Variants in WDPCP observed in about 807,000 individuals in gnomAD.
The protein encoded by WDPCP is WD repeat containing planar cell polarity effector.
In WDPCP, 71 loss-of-function variants were observed where a neutral mutation model predicts 93.1. The observed-to-expected ratio is 0.76, with a 90% CI of 0.63 to 0.93. The LOEUF is 0.93. Among genes scored for constraint, WDPCP ranks in the 40% least tolerant of loss-of-function variants. WDPCP has a pLI of 0.00. For missense variants in WDPCP, 844 were observed against 887.4 expected, an observed-to-expected ratio of 0.95 and a Z score of 0.62; for synonymous variants, 315 against 315.0, an observed-to-expected ratio of 1.00 and a Z score of 0.00.
At chr2:63,423,199 T>A (rs1696003872) in intron 9 of WDPCP, among the ~76,000 whole-genome samples, 1 of 152,228 alleles carries the variant, frequency 6.6e-6, no homozygotes, top group South Asian at 2.1e-4. Context: ...TGGTTTTATG[T>A]GTGCTTTATT....
At chr2:63,362,055 TTTTC>T (rs1690504188) in intron 12 of WDPCP, among the ~76,000 whole-genome samples, 1 of 152,080 alleles carries the variant, frequency 6.6e-6, no homozygotes, top group Non-Finnish European at 1.5e-5. Flanking sequence ...CTCATTTATC[TTTTC>T]TTTGTGTTGG....
chr2:63,739,842 C>CT (rs368638414), intron 2 of WDPCP, among the ~76,000 whole-genome samples: 23 of 151,852 alleles, frequency 1.5e-4, no homozygotes, highest in African/African-American at 5.5e-4. Context: ...TGATATTGAG[C>CT]TTTTTTTTCA....
In WDPCP at chr2:63,597,452, A is replaced by G. The variant is rs1339136957; in HGVS notation, n.488+53207T>C. 3 of 1,503,708 alleles carry G rather than the reference A, an allele frequency of 2.0e-6. No individual in the cohort carries two copies. In the Admixed American group the frequency reaches 6.4e-5, roughly 32 times the overall value. 93.1% of individuals were successfully genotyped at this position (1,503,708 alleles called of 1,614,324 possible). On this transcript the variant is annotated intron_variant and non_coding_transcript_variant, in intron 3 of 4. Coordinates refer to the WDPCP transcript ENST00000467687. ...TGCCTTCAAAGACCTGGATGTGGCC[A>G]TTCTTGTGGGCTCCATGCCAAGAAG...
At chr2:63,337,632 A>T (rs1429156530) in intron 12 of WDPCP, among the ~76,000 whole-genome samples, 2 of 152,186 alleles carry the variant, frequency 1.3e-5, no homozygotes, top group African/African-American at 4.8e-5. Flanking sequence ...AACGGTGTAT[A>T]AGAATTCCCC....
At chr2:63,708,648 C>T (rs924255146) in intron 2 of WDPCP, among the ~76,000 whole-genome samples, 27 of 152,106 alleles carry the variant, frequency 1.8e-4, no homozygotes, top group African/African-American at 2.9e-4. Flanking sequence ...ACCCACTGTC[C>T]GGCACTCCCC....
At chr2:63,139,664 A>T (rs2103680134) in intron 17 of WDPCP, among the ~76,000 whole-genome samples, 1 of 151,484 alleles carries the variant, frequency 6.6e-6, no homozygotes, top group East Asian at 1.9e-4. Flanking sequence ...TTTTTATGGG[A>T]TTGTTTTTTT....
chr2:63,173,809 G>C (rs768819038), intron 15 of WDPCP, among the ~76,000 whole-genome samples: 1 of 152,140 alleles, frequency 6.6e-6, no homozygotes, highest in African/African-American at 2.4e-5. Flanking sequence ...TGTACAGTTT[G>C]AGGCATTTTT....
At chr2:63,322,306 G>C (rs909559912) in intron 12 of WDPCP, among the ~76,000 whole-genome samples, 23 of 152,226 alleles carry the variant, frequency 1.5e-4, no homozygotes, top group Non-Finnish European at 2.5e-4. Flanking sequence ...GGTGGGCCCA[G>C]ATAAGGGAAT....
chr2:63,558,661 C>T (rs1453958040), intron 1 of WDPCP, among the ~76,000 whole-genome samples: 1 of 139,108 alleles, frequency 7.2e-6, no homozygotes, highest in African/African-American at 2.6e-5. Flanking sequence ...CACCTCTACG[C>T]AAATAAACTA....
At chr2:63,622,534 T>A (rs1709755476) in intron 3 of WDPCP, 1 of 1,613,958 alleles carries the variant, frequency 6.2e-7, no homozygotes, top group East Asian at 2.2e-5. Context: ...GCGTGGTTGA[T>A]GTTCCAGGTG....
chr2:63,342,886 T>A (rs1688944323), intron 12 of WDPCP, among the ~76,000 whole-genome samples: 1 of 152,200 alleles, frequency 6.6e-6, no homozygotes, highest in African/African-American at 2.4e-5. Flanking sequence ...TCTGAAGAAC[T>A]CCTTTTAGCA....
chr2:63,403,843 C>T, intron 10 of WDPCP: 1 of 644,642 alleles, frequency 1.6e-6, no homozygotes, highest in South Asian at 2.2e-5. Flanking sequence ...ACAATTAGTG[C>T]AATTTACAAA....
intron 2 of WDPCP, among the ~76,000 whole-genome samples, chr2:63,688,689 C>T (rs1668847123): frequency 6.6e-6 from 1 of 151,970 alleles, no homozygotes; most frequent in Non-Finnish European, 1.5e-5. Context: ...CCCCATTACC[C>T]TGATAGGATT....
rs1217761219 is a variant in WDPCP, at chr2:63,437,485, G to C, written c.569C>G (p.Thr190Ser). The C allele has an allele frequency of 2.5e-6, 4 of 1,601,266 alleles. No individual in the cohort carries two copies. Among genetic ancestry groups the C allele is most frequent in the Non-Finnish European group, 3.4e-6 (4 of 1,174,302 alleles). Residue 190 changes from threonine to serine, a missense_variant, in exon 8 of 18, where the codon ACC becomes AGC. Thr to Ser is a moderately conservative substitution (Grantham distance 58). Coordinates refer to ENST00000272321, the MANE Select transcript of WDPCP (RefSeq NM_015910.7). ...TACATCAGAAGACTCCATCTTCTTG[G>C]TAAACTGAATAAAACATAGTTTGTT... ...AQNKLCFIQF[T>S]KKMESSDVNK...
intron 2 of WDPCP, among the ~76,000 whole-genome samples, chr2:63,782,098 G>A (rs191344625): frequency 1.3e-5 from 2 of 152,140 alleles, no homozygotes; most frequent in African/African-American, 4.8e-5. Flanking sequence ...TTATTAAGAA[G>A]TCTGGCTTGC....
upstream of WDPCP, among the ~76,000 whole-genome samples, chr2:63,830,121 T>A (rs1195206569): frequency 6.6e-6 from 1 of 152,188 alleles, no homozygotes; most frequent in Non-Finnish European, 1.5e-5. Context: ...ATCATAAATA[T>A]GTTTAAGGTT....
At chr2:63,632,626 G>C (rs908428687) in intron 3 of WDPCP, among the ~76,000 whole-genome samples, 1 of 152,108 alleles carries the variant, frequency 6.6e-6, no homozygotes, top group Non-Finnish European at 1.5e-5. Flanking sequence ...AAGTGGAGGG[G>C]AAAAAGTATA....
intron 9 of WDPCP, among the ~76,000 whole-genome samples, chr2:63,410,254 T>A (rs1694925138): frequency 1.3e-5 from 2 of 152,222 alleles, no homozygotes; most frequent in South Asian, 4.1e-4. Flanking sequence ...AAGAATTTTG[T>A]ATCCATTGAA....
At chr2:63,771,202 G>A (rs935501579) in intron 2 of WDPCP, among the ~76,000 whole-genome samples, 4 of 151,186 alleles carry the variant, frequency 2.6e-5, no homozygotes, top group Non-Finnish European at 5.9e-5. Context: ...CTCTAATATC[G>A]AGAATGAAAA....
Sources: allele counts gnomAD v4.1 joint callset (sites outside exome capture counted in the v4.1 genomes callset), GRCh38; gene constraint gnomAD v4.1.1; transcripts MANE v1.5; gene names NCBI Gene and HGNC (gene_info 2026-07-23, HGNC 2026-07-21).